Variants in KDM1B observed in about 807,000 individuals in gnomAD.
KDM1B encodes the protein lysine demethylase 1B, also known as lysine-specific histone demethylase 2.
Under a neutral mutation model 107.4 loss-of-function variants are expected in KDM1B, and 63 were observed. That is an observed-to-expected ratio of 0.59 (90% confidence interval 0.48 to 0.72). The LOEUF is 0.72. Among genes scored for constraint, KDM1B ranks in the 30% least tolerant of loss-of-function variants. The pLI is 0.00. For missense variants in KDM1B, 749 were observed against 1,020.8 expected, an observed-to-expected ratio of 0.73 and a Z score of 3.63; for synonymous variants, 363 against 363.9, an observed-to-expected ratio of 1.00 and a Z score of 0.03.
chr6:18,171,986 T>A (rs555887470), intron 7 of KDM1B, among the ~76,000 whole-genome samples: 26 of 152,160 alleles, frequency 1.7e-4, no homozygotes, highest in Non-Finnish European at 3.1e-4. Flanking sequence ...TGGTTTTAAT[T>A]TTTTTGCTAG....
In KDM1B at chr6:18,191,585, A is replaced by C. The variant is rs902804212; in HGVS notation, c.969+204A>C. On this transcript the variant is annotated intron_variant, in intron 10 of 21. Coordinates refer to ENST00000650836, the MANE Select transcript of KDM1B (RefSeq NM_001364614.2). This position sits in a 1 kb window ranked among gnomAD's most constrained non-coding sequence, Gnocchi z 5.1. ...GCAAGATCCCTGGCTTCTACCCACT[A>C]GATTCCAGTAATGCTTCCCACCTGT... 2.0e-5 allele frequency among the ~76,000 whole-genome samples: 3 copies of C among 152,146 alleles called. No individual in the cohort carries two copies. The highest frequency in any genetic ancestry group is 4.4e-5 in the Non-Finnish European group (3 of 68,028).
chr6:18,192,546 C>T (rs1787347450), intron 10 of KDM1B, among the ~76,000 whole-genome samples: 1 of 152,058 alleles, frequency 6.6e-6, no homozygotes, highest in South Asian at 2.1e-4. Context: ...AACTTATTTT[C>T]CGCCCAGTAG....
intron 10 of KDM1B, among the ~76,000 whole-genome samples, chr6:18,195,322 G>T (rs565785120): frequency 6.6e-6 from 1 of 152,196 alleles, no homozygotes; most frequent in African/African-American, 2.4e-5. Flanking sequence ...GGTATTTTAG[G>T]TTTAACCTTT....
At chr6:18,177,308 A>G (rs1786088591) in intron 7 of KDM1B, among the ~76,000 whole-genome samples, 2 of 151,930 alleles carry the variant, frequency 1.3e-5, no homozygotes, top group Admixed American at 1.3e-4. Context: ...TGTCAGTTGT[A>G]ATATCTTTTT....
rs365237 is a variant in KDM1B, at chr6:18,186,466, A to C, written c.573+656A>C. Among the ~76,000 whole-genome samples, 5 of 152,132 alleles carry C rather than the reference A, an allele frequency of 3.3e-5. No individual in the cohort carries two copies. The highest frequency in any genetic ancestry group is 7.4e-5 in the Non-Finnish European group (5 of 68,016). The stretch of plus-strand genomic sequence containing the variant: ...CTGATTTTCAGTGATTCAGGATTGG[A>C]TTGTTCTAGATGTCTGAAACTCAGG... On this transcript the variant is annotated intron_variant, in intron 8 of 21. Transcript: ENST00000650836. This position sits in a 1 kb window ranked among gnomAD's most constrained non-coding sequence, Gnocchi z 5.6.
At chr6:18,199,645 A>G (rs2150970636) in intron 12 of KDM1B, among the ~76,000 whole-genome samples, 1 of 151,938 alleles carries the variant, frequency 6.6e-6, no homozygotes, top group East Asian at 1.9e-4. Context: ...CCTGGGTATG[A>G]GACAGACCTC....
chr6:18,171,617 A>G, intron 7 of KDM1B, 138 bp downstream of exon 7: 1 of 644,438 alleles, frequency 1.6e-6, no homozygotes, highest in Non-Finnish European at 2.8e-6. Flanking sequence ...AACCCCAACT[A>G]TAATGGCTTA....
At chr6:18,188,567 A>C (rs1262650535) in intron 9 of KDM1B, among the ~76,000 whole-genome samples, 3 of 152,100 alleles carry the variant, frequency 2.0e-5, no homozygotes, top group Non-Finnish European at 4.4e-5. Context: ...ACCTACTCTC[A>C]AAAAAACTGC....
chr6:18,188,606 T>A (rs916938501), intron 9 of KDM1B, among the ~76,000 whole-genome samples: 2 of 152,050 alleles, frequency 1.3e-5, no homozygotes, highest in Non-Finnish European at 2.9e-5. Flanking sequence ...ATTATTTACT[T>A]TATTTTTTAT....
At chr6:18,169,703 C>T (rs766802680) in intron 6 of KDM1B, among the ~76,000 whole-genome samples, 1 of 151,864 alleles carries the variant, frequency 6.6e-6, no homozygotes, top group African/African-American at 2.4e-5. Flanking sequence ...GCTTATAATT[C>T]GTTGCCAAAT....
At chr6:18,168,655 A>ATT (rs1785471973) in intron 6 of KDM1B, among the ~76,000 whole-genome samples, 1 of 146,924 alleles carries the variant, frequency 6.8e-6, no homozygotes. Context: ...ATATTTGGTA[A>ATT]TTATATGGGA....
chr6:18,207,332 T>C, intron 15 of KDM1B, 66 bp from the exon 16 acceptor site: 1 of 1,584,486 alleles, frequency 6.3e-7, no homozygotes, highest in Non-Finnish European at 8.6e-7. Flanking sequence ...GAGCTCCTCA[T>C]ATTGGCTCTC....
rs892613984 is a variant in KDM1B, at chr6:18,205,729, C to T, written c.1659+65C>T. 47 of 1,411,312 alleles carry T rather than the reference C, an allele frequency of 3.3e-5. No individual in the cohort carries two copies. The highest frequency in any genetic ancestry group is 4.0e-5 in the Non-Finnish European group (43 of 1,078,700). 87.4% of individuals were successfully genotyped at this position (1,411,312 alleles called of 1,614,324 possible). Reference sequence around the variant, plus strand: ...TTGGTTTAGGCCGGGCGCAGTGGCTCACGCCTGTAATCCCAGCACTTTGGG... The same window carrying T: ...TTGGTTTAGGCCGGGCGCAGTGGCTTACGCCTGTAATCCCAGCACTTTGGG... On this transcript the variant is annotated intron_variant, in intron 15 of 21. Transcript: ENST00000650836. This position sits in a 1 kb window ranked among gnomAD's most constrained non-coding sequence, Gnocchi z 5.7.
intron 7 of KDM1B, among the ~76,000 whole-genome samples, chr6:18,181,203 CATT>C (rs1307427726): frequency 6.6e-6 from 1 of 152,172 alleles, no homozygotes; most frequent in Non-Finnish European, 1.5e-5. Context: ...AATTAACCAT[CATT>C]GAGTGAGATT....
Position 18,213,661 on chromosome 6 carries a change from C to T in KDM1B, c.1989C>T (p.Ala663=), listed in dbSNP as rs1561954744. The change falls in exon 19 of 22, where the codon GCC becomes GCT. Residue 663 remains alanine, a synonymous_variant. Coordinates refer to ENST00000650836, the MANE Select transcript of KDM1B (RefSeq NM_001364614.2). The surrounding 1 kb of genome is among the most constrained non-coding windows in gnomAD (Gnocchi z 5.9). The part of the protein sequence containing the change: ...SLGAGIIEKI[A]LQFPYRFWDS... Reference sequence around the variant, plus strand: ...TTCTTCTGCTCACTTTGCAGATTGCCTTGCAATTTCCGTATAGATTTTGGG... The same window carrying T: ...TTCTTCTGCTCACTTTGCAGATTGCTTTGCAATTTCCGTATAGATTTTGGG... The T allele has an allele frequency of 1.2e-6, 2 of 1,614,082 alleles. No homozygotes were observed. Among genetic ancestry groups the T allele is most frequent in the Non-Finnish European group, 1.7e-6 (2 of 1,179,984 alleles).
intron 5 of KDM1B, 110 bp downstream of exon 5, chr6:18,163,034 C>T (rs570342656): frequency 5.9e-6 from 4 of 672,974 alleles, no homozygotes; most frequent in Non-Finnish European, 8.1e-6. Context: ...AATTATTCAG[C>T]TCTTTCAGCC....
At chr6:18,185,950 A>C (rs1284745365) in intron 8 of KDM1B, 140 bp downstream of exon 8, 1 of 780,686 alleles carries the variant, frequency 1.3e-6, no homozygotes, top group African/African-American at 1.7e-5. Context: ...CATGGTAACT[A>C]TATTATGAAA....
chr6:18,187,663 G>A (rs401841), intron 8 of KDM1B, 129 bp from the exon 9 acceptor site: 67,533 of 552,334 alleles, frequency 0.12, 3,394 homozygotes, highest in South Asian at 0.27. Flanking sequence ...GAATTGTTAA[G>A]TCTGAGCAAG....
chr6:18,221,871 C>CCT (rs1789779638), intron 21 of KDM1B, 38 bp from the exon 22 acceptor site: 10 of 1,500,278 alleles, frequency 6.7e-6, no homozygotes, highest in Non-Finnish European at 8.2e-6. Flanking sequence ...CAACTCAACT[C>CCT]TATGCATGAT....
Sources: gnomAD v4.1 joint callset for allele counts (sites outside exome capture counted in the v4.1 genomes callset) on GRCh38, gnomAD v4.1.1 for gene constraint, Gnocchi (gnomAD v3.1) non-coding constraint, MANE v1.5 for transcripts, NCBI Gene and HGNC (gene_info 2026-07-23, HGNC 2026-07-21) for gene names.